Variants in PNPLA1 observed in about 807,000 individuals in gnomAD.
The protein encoded by PNPLA1 is patatin like domain 1, omega-hydroxyceramide transacylase.
Under a neutral mutation model 51.7 loss-of-function variants are expected in PNPLA1, and 36 were observed. That is an observed-to-expected ratio of 0.70 (90% CI 0.53 to 0.92). The LOEUF (loss-of-function observed/expected upper bound fraction) is 0.92. PNPLA1 is among the 40% of genes least tolerant of loss of function. PNPLA1 has a pLI of 0.00. For synonymous variants in PNPLA1, 293 were observed against 280.1 expected (o/e 1.05, Z -0.46); for missense variants, 658 against 682.5 (o/e 0.96, Z 0.40).
chr6:36,276,512 G>T (rs1338007758), intron 1 of PNPLA1, among the ~76,000 whole-genome samples: 1 of 152,200 alleles, frequency 6.6e-6, no homozygotes, highest in South Asian at 2.1e-4. Flanking sequence ...ACCTAGGAGG[G>T]GTGGTCTCCG....
intron 1 of PNPLA1, among the ~76,000 whole-genome samples, chr6:36,280,703 A>G (rs1770252608): frequency 6.6e-6 from 1 of 152,168 alleles, no homozygotes. Flanking sequence ...ACTGGCTTTC[A>G]GTTCCCTCTT....
upstream of PNPLA1, among the ~76,000 whole-genome samples, chr6:36,269,082 A>T (rs1769832564): frequency 6.6e-6 from 1 of 152,216 alleles, no homozygotes; most frequent in Non-Finnish European, 1.5e-5. Flanking sequence ...CTCCTAACTG[A>T]AGCCTGGCCT....
intron 1 of PNPLA1, among the ~76,000 whole-genome samples, chr6:36,272,327 G>T (rs1466435834): frequency 1.3e-5 from 2 of 152,116 alleles, no homozygotes; most frequent in Non-Finnish European, 2.9e-5. Context: ...GCTCCTATAA[G>T]AATCTAGTGC....
intron 1 of PNPLA1, among the ~76,000 whole-genome samples, chr6:36,282,169 AAGAG>A (rs1486733160): frequency 6.9e-6 from 1 of 144,480 alleles, no homozygotes; most frequent in African/African-American, 2.6e-5. Context: ...GAAAGAAAGA[AAGAG>A]ACAGAGAGAA....
chr6:36,305,628 A>G (rs191210249), intron 6 of PNPLA1, among the ~76,000 whole-genome samples: 68 of 152,280 alleles, frequency 4.5e-4, no homozygotes, highest in African/African-American at 1.5e-3. Context: ...TGTTCTAAGA[A>G]ACAAACAAAA....
At chr6:36,264,498 A>G (rs1289323416) in intron 1 of PNPLA1, among the ~76,000 whole-genome samples, 1 of 152,246 alleles carries the variant, frequency 6.6e-6, no homozygotes, top group South Asian at 2.1e-4. Context: ...AAACATATTA[A>G]TATACTGAAA....
rs146492987 is a variant in PNPLA1 at position 36,263,632 on chromosome 6, TG to T, written c.-81+20372del. 2.3e-3 allele frequency among the ~76,000 whole-genome samples: 357 copies of T among 152,260 alleles called. 2 individuals carry two copies. Among genetic ancestry groups the T allele is most frequent in the African/African-American group, 8.1e-3 (337 of 41,544 alleles). ...GCAACTCCTTGCAGAGTTGCAGAAA[TG>T]CCCATTGTATTAACCATGCTTTCTT... On this transcript the variant is annotated intron_variant, in intron 1 of 7. Transcript: ENST00000312917.
chr6:36,294,391 G>T lies in PNPLA1; in HGVS notation c.706G>T (p.Asp236Tyr). Reference protein sequence around the residue: ...ARMTHALFPPDLVILHDYYYR... With the variant: ...ARMTHALFPPYLVILHDYYYR... The stretch of plus-strand genomic sequence containing the variant: ...GATGACCCACGCATTGTTCCCCCCG[G>T]ACCTGGTGGTGAGAGGCAGGAGGGG... The change falls in exon 4 of 9, where the codon GAC becomes TAC. Residue 236 changes from aspartate to tyrosine, a missense_variant. Asp to Tyr is a radical substitution (Grantham distance 160). Transcript: ENST00000636260. The surrounding 1 kb of genome is among the most constrained non-coding windows in gnomAD (Gnocchi z 4.2). 6.2e-7 allele frequency: 1 copy of T among 1,613,988 alleles called. No individual in the cohort carries two copies.
At chr6:36,282,521 T>G (rs546476471) in intron 1 of PNPLA1, among the ~76,000 whole-genome samples, 1 of 152,332 alleles carries the variant, frequency 6.6e-6, no homozygotes, top group Admixed American at 6.5e-5. Flanking sequence ...AAGCTTTGAA[T>G]GTGTTGGTTA....
At chr6:36,291,575 G>A in intron 2 of PNPLA1, 23 bp downstream of exon 2, 1 of 521,316 alleles carries the variant, frequency 1.9e-6, no homozygotes, top group East Asian at 5.1e-5. Flanking sequence ...GGCTGGGAGG[G>A]AGGGACACGG....
intron 1 of PNPLA1, among the ~76,000 whole-genome samples, chr6:36,277,342 G>A (rs1770136666): frequency 6.6e-6 from 1 of 152,212 alleles, no homozygotes; most frequent in Admixed American, 6.5e-5. Flanking sequence ...CCCATGGATT[G>A]GAATTTAGTC....
At chr6:36,301,114 G>GCC (rs71540149) in intron 5 of PNPLA1, among the ~76,000 whole-genome samples, 16 of 99,920 alleles carry the variant, frequency 1.6e-4, no homozygotes, top group South Asian at 4.2e-4. Context: ...CCATCCCCCC[G>GCC]CCCCCCCACC....
chr6:36,293,608 G>A (rs1770759809), intron 3 of PNPLA1, among the ~76,000 whole-genome samples: 2 of 152,222 alleles, frequency 1.3e-5, no homozygotes, highest in Admixed American at 6.5e-5. Context: ...GGTGCTGCCC[G>A]TGCTGCTGGT....
chr6:36,287,144 C>T (rs1395304701), intron 1 of PNPLA1, among the ~76,000 whole-genome samples: 1 of 152,200 alleles, frequency 6.6e-6, no homozygotes, highest in Non-Finnish European at 1.5e-5. Context: ...AGTCAAGTAG[C>T]TCTTCCTTGG....
chr6:36,291,598 A>ACCGGGGGGGGGGGGGGGGT, intron 2 of PNPLA1, 46 bp downstream of exon 2: 1 of 362,224 alleles, frequency 2.8e-6, no homozygotes, highest in Non-Finnish European at 5.7e-6. Context: ...GGGGCGGGGG[A>ACCGGGGGGGGGGGGGGGGT]GGGCGGCTCC....
At chr6:36,277,568 C>G (rs1467585919) in intron 1 of PNPLA1, among the ~76,000 whole-genome samples, 2 of 152,212 alleles carry the variant, frequency 1.3e-5, no homozygotes, top group African/African-American at 4.8e-5. Context: ...CCATGACTTC[C>G]TAATCACAAA....
chr6:36,299,629 C>T (rs529126579), intron 5 of PNPLA1, among the ~76,000 whole-genome samples: 7 of 152,256 alleles, frequency 4.6e-5, no homozygotes, highest in East Asian at 3.9e-4. Flanking sequence ...CCACTGCGCC[C>T]GGCCAACTTT....
intron 1 of PNPLA1, among the ~76,000 whole-genome samples, chr6:36,274,262 C>T (rs533694882): frequency 3.9e-5 from 6 of 152,238 alleles, no homozygotes; most frequent in South Asian, 2.1e-4. Context: ...AGCTAGAATT[C>T]GAACTCAGTC....
chr6:36,256,247 T>C (rs1394799373), intron 1 of PNPLA1, among the ~76,000 whole-genome samples: 1 of 152,032 alleles, frequency 6.6e-6, no homozygotes, highest in Non-Finnish European at 1.5e-5. Context: ...TCCTAGCACT[T>C]TGAGAGGCCA....
Sources: allele counts gnomAD v4.1 joint callset (sites outside exome capture counted in the v4.1 genomes callset), GRCh38; gene constraint gnomAD v4.1.1; non-coding constraint Gnocchi (gnomAD v3.1); transcripts MANE v1.5; gene names NCBI Gene and HGNC (gene_info 2026-07-23, HGNC 2026-07-21).